Variants in SCAPER observed in about 807,000 individuals in gnomAD.
SCAPER encodes the protein S phase cyclin A-associated protein in the endoplasmic reticulum.
SCAPER carries 98 observed loss-of-function variants against 182.2 expected under a neutral mutation model. The observed-to-expected ratio is 0.54, with a 90% CI of 0.46 to 0.64. The LOEUF (loss-of-function observed/expected upper bound fraction) is 0.64, where lower values mean the gene tolerates loss of function less well. Among genes scored for constraint, SCAPER ranks in the 30% least tolerant of loss-of-function variants. SCAPER has a pLI of 0.00. For missense variants in SCAPER, 1,432 were observed against 1,690.0 expected, an observed-to-expected ratio of 0.85 and a Z score of 2.68; for synonymous variants, 605 against 564.6, an observed-to-expected ratio of 1.07 and a Z score of -1.01.
At chr15:76,645,775 A>T (rs747674748) in intron 21 of SCAPER, among the ~76,000 whole-genome samples, 3 of 152,190 alleles carry the variant, frequency 2.0e-5, no homozygotes, top group Non-Finnish European at 4.4e-5. Flanking sequence ...TTGTATGCTG[A>T]TAAGTATTTA....
intron 21 of SCAPER, among the ~76,000 whole-genome samples, chr15:76,654,866 G>A (rs7174524): frequency 6.6e-6 from 1 of 152,166 alleles, no homozygotes; most frequent in South Asian, 2.1e-4. Context: ...TTCATACCAT[G>A]ATCAAACCTC....
chr15:76,358,874 G>A (rs1296907654), intron 29 of SCAPER, among the ~76,000 whole-genome samples: 2 of 152,188 alleles, frequency 1.3e-5, no homozygotes, highest in Non-Finnish European at 2.9e-5. Context: ...TGGGCCAACT[G>A]TCTGTCAGTG....
intron 23 of SCAPER, among the ~76,000 whole-genome samples, chr15:76,556,770 T>C (rs1313779900): frequency 6.6e-6 from 1 of 151,514 alleles, no homozygotes; most frequent in Non-Finnish European, 1.5e-5. Context: ...CAATCAGGCA[T>C]GAGAAAAAAA....
intron 17 of SCAPER, among the ~76,000 whole-genome samples, chr15:76,708,072 C>G (rs546712596): frequency 2.0e-5 from 3 of 152,168 alleles, no homozygotes; most frequent in East Asian, 1.9e-4. Context: ...GACACCCCCC[C>G]ACCATACCAA....
intron 23 of SCAPER, among the ~76,000 whole-genome samples, chr15:76,545,233 C>T (rs767865775): frequency 6.6e-6 from 1 of 152,042 alleles, no homozygotes. Flanking sequence ...ATGGCAACAA[C>T]CTCTTTAGGG....
intron 25 of SCAPER, among the ~76,000 whole-genome samples, chr15:76,464,011 T>G (rs1375719871): frequency 6.8e-6 from 1 of 146,232 alleles, no homozygotes; most frequent in Non-Finnish European, 1.5e-5. Context: ...ACTGGTCTTT[T>G]TTTTTTTTTT....
At chr15:76,412,527 A>G (rs970058225) in intron 26 of SCAPER, among the ~76,000 whole-genome samples, 3 of 152,012 alleles carry the variant, frequency 2.0e-5, no homozygotes, top group Admixed American at 1.3e-4. Flanking sequence ...TCAAAGCCTA[A>G]TCAGCTCCCC....
intron 5 of SCAPER, among the ~76,000 whole-genome samples, chr15:76,821,890 T>C (rs1377493020): frequency 6.7e-6 from 1 of 150,140 alleles, no homozygotes. Context: ...AAAAAAAAGG[T>C]AAGAAATAAA....
intron 15 of SCAPER, among the ~76,000 whole-genome samples, chr15:76,750,746 A>T (rs528261308): frequency 1.1e-4 from 17 of 151,904 alleles, no homozygotes; most frequent in South Asian, 1.0e-3. Context: ...AACAGAACAA[A>T]CTCAAAAGCT....
chr15:76,453,786 G>GC, intron 25 of SCAPER, among the ~76,000 whole-genome samples: 1 of 152,174 alleles, frequency 6.6e-6, no homozygotes, highest in East Asian at 1.9e-4. Context: ...CTTGGGAGAT[G>GC]GGTATGGCAT....
At position 76,422,727 on chromosome 15, in the gene SCAPER, G is replaced by T. The variant is rs1315767228; in HGVS notation, c.3311+11351C>A. Among the ~76,000 whole-genome samples the T allele has an allele frequency of 2.0e-5, 3 of 152,152 alleles. No homozygotes were observed. In the South Asian group the frequency reaches 6.2e-4, roughly 32 times the overall value. ...TTCAAAGGGAATGCTTCCAGCTTTT[G>T]CCCATTCAGTATGATACTGGCTGTG... On this transcript the variant is annotated intron_variant, in intron 26 of 31. Coordinates refer to ENST00000563290, the MANE Select transcript of SCAPER (RefSeq NM_020843.4).
intron 2 of SCAPER, among the ~76,000 whole-genome samples, chr15:76,867,581 C>T (rs978326402): frequency 6.6e-6 from 1 of 152,162 alleles, no homozygotes; most frequent in Non-Finnish European, 1.5e-5. Context: ...CAACTTCTCT[C>T]TTGTATGAGC....
intron 5 of SCAPER, among the ~76,000 whole-genome samples, chr15:76,820,311 T>A (rs561642485): frequency 6.6e-6 from 1 of 152,206 alleles, no homozygotes; most frequent in South Asian, 2.1e-4. Context: ...GCGGCACTAT[T>A]CACAATAGCA....
At chr15:76,780,999 C>G (rs899178686) in intron 8 of SCAPER, among the ~76,000 whole-genome samples, 5 of 152,142 alleles carry the variant, frequency 3.3e-5, no homozygotes, top group Non-Finnish European at 7.4e-5. Context: ...ATCACAGCTC[C>G]CCGCCAGCAA....
intron 23 of SCAPER, among the ~76,000 whole-genome samples, chr15:76,538,397 T>G (rs1168110432): frequency 6.6e-5 from 10 of 150,710 alleles, no homozygotes; most frequent in Non-Finnish European, 1.3e-4. Flanking sequence ...TAAAAAATGA[T>G]GAGTTCATGT....
chr15:76,418,040 G>C (rs2045779035), intron 26 of SCAPER, among the ~76,000 whole-genome samples: 1 of 152,108 alleles, frequency 6.6e-6, no homozygotes, highest in East Asian at 1.9e-4. Flanking sequence ...TTTTTTCAGA[G>C]ATTAATGTGG....
chr15:76,848,722 A>T (rs1357967364), intron 4 of SCAPER, among the ~76,000 whole-genome samples: 1 of 152,180 alleles, frequency 6.6e-6, no homozygotes, highest in Non-Finnish European at 1.5e-5. Context: ...TTGTCAGTTC[A>T]TGTATCTTAA....
In SCAPER at chr15:76,658,208, C is replaced by A. The variant is rs539779322; in HGVS notation, c.2645+7445G>T. Among the ~76,000 whole-genome samples, 3 of 152,270 alleles carry A rather than the reference C, an allele frequency of 2.0e-5. No homozygotes were observed. In the East Asian group the frequency reaches 5.8e-4, roughly 29 times the overall value. ...AATTCCTAGATCTGATAAAAAACTTCAGTACCATTTCAGGATATAAAATCA... is the reference window on the plus strand; with the variant it reads ...AATTCCTAGATCTGATAAAAAACTTAAGTACCATTTCAGGATATAAAATCA... On this transcript the variant is annotated intron_variant, in intron 21 of 31. Coordinates refer to ENST00000563290, the MANE Select transcript of SCAPER (RefSeq NM_020843.4).
intron 27 of SCAPER, among the ~76,000 whole-genome samples, chr15:76,389,204 A>G (rs1366297253): frequency 6.6e-6 from 1 of 152,062 alleles, no homozygotes; most frequent in East Asian, 1.9e-4. Flanking sequence ...ATTTGGTTAG[A>G]GAACAGTAAA....
Sources: allele counts gnomAD v4.1 joint callset (sites outside exome capture counted in the v4.1 genomes callset), GRCh38; gene constraint gnomAD v4.1.1; transcripts MANE v1.5; gene names NCBI Gene and HGNC (gene_info 2026-07-23, HGNC 2026-07-21).